Variants in CADM3 observed in about 807,000 individuals in gnomAD.
CADM3 encodes the protein TSLC1-like 1.
CADM3 carries 11 observed loss-of-function variants against 44.9 expected under a neutral mutation model. The observed-to-expected ratio is 0.25, with a 90% CI of 0.15 to 0.41. The LOEUF (loss-of-function observed/expected upper bound fraction) is 0.41. Ranked by LOEUF, CADM3 falls within the 10% of genes least tolerant of loss-of-function variation. The pLI, the probability that CADM3 is intolerant of heterozygous loss-of-function variation, is 1.00. For missense variants in CADM3, 426 were observed against 512.0 expected, an observed-to-expected ratio of 0.83 and a Z score of 1.62; for synonymous variants, 207 against 205.2, an observed-to-expected ratio of 1.01 and a Z score of -0.08.
rs774384382 is a variant in CADM3, at chr1:159,196,377, G to A, written c.705G>A (p.Ala235=). ...QRIEVLYTPT[A]MIRPDPPHPR... ...CCTTCTCCACAGACACACCAACTGC[G>A]ATGATTAGGCCAGACCCTCCCCATC... The change falls in exon 6 of 9, where the codon GCG becomes GCA. Residue 235 remains alanine (A), a synonymous_variant. Coordinates refer to ENST00000368125, the MANE Select transcript of CADM3 (RefSeq NM_001127173.3). 6.8e-6 allele frequency: 11 copies of A among 1,614,098 alleles called. No individual in the cohort carries two copies. Among genetic ancestry groups the A allele is most frequent in the African/African-American group, 2.7e-5 (2 of 75,008 alleles).
At chr1:159,173,097 T>G (rs1571000923) in intron 1 of CADM3, among the ~76,000 whole-genome samples, 5 of 140,974 alleles carry the variant, frequency 3.5e-5, no homozygotes, top group African/African-American at 8.0e-5. Flanking sequence ...GTGGGGAGAG[T>G]GAAGGGGGAG....
At chr1:159,182,735 C>A (rs1338868090) in intron 1 of CADM3, among the ~76,000 whole-genome samples, 2 of 152,178 alleles carry the variant, frequency 1.3e-5, no homozygotes, top group Non-Finnish European at 2.9e-5. Context: ...AAATAACCAC[C>A]TCTGACCCTT....
At chr1:159,176,679 A>G (rs773461663) in intron 1 of CADM3, among the ~76,000 whole-genome samples, 3 of 152,182 alleles carry the variant, frequency 2.0e-5, no homozygotes, top group Non-Finnish European at 4.4e-5. Context: ...GTTATATATG[A>G]CAAGAAGATC....
intron 1 of CADM3, among the ~76,000 whole-genome samples, chr1:159,183,660 G>A (rs1649316597): frequency 6.6e-6 from 1 of 152,072 alleles, no homozygotes; most frequent in Non-Finnish European, 1.5e-5. Flanking sequence ...TTTCCCTGAG[G>A]AGCAATGAAA....
chr1:159,191,804 C>T, intron 1 of CADM3, 132 bp from the exon 2 acceptor site: 1 of 1,030,514 alleles, frequency 9.7e-7, no homozygotes, highest in East Asian at 2.4e-5. Flanking sequence ...CCCATGAAAC[C>T]TTACGGGTAC....
chr1:159,193,380 G>A (rs1649748723), intron 3 of CADM3, 43 bp from the exon 4 acceptor site: 2 of 1,551,104 alleles, frequency 1.3e-6, no homozygotes, highest in Non-Finnish European at 1.7e-6. Flanking sequence ...GTGACCCCAT[G>A]GGGCCTCTCC....
intron 1 of CADM3, among the ~76,000 whole-genome samples, chr1:159,182,818 T>C (rs1307360842): frequency 6.6e-6 from 1 of 152,224 alleles, no homozygotes; most frequent in Non-Finnish European, 1.5e-5. Flanking sequence ...ATATATGTAT[T>C]CATAATACCT....
At chr1:159,197,837 G>C (rs1266767368) in intron 7 of CADM3, 1 of 152,184 alleles carries the variant, frequency 6.6e-6, no homozygotes, top group Non-Finnish European at 1.5e-5. Flanking sequence ...CAGTTGAGGG[G>C]ATAAGAGCCA....
rs1648797932 is a variant in CADM3 at position 159,171,632 on chromosome 1, C to T, written c.-134C>T. ...GCAGCGCCGGCTCCCTCCCGGTCCC[C>T]ACCTCGGCCCCGGGCTCCGAAGCGG... On this transcript the variant is annotated 5_prime_UTR_variant, in exon 1 of 9. Coordinates refer to ENST00000368125, the MANE Select transcript of CADM3 (RefSeq NM_001127173.3). 2 of 529,862 alleles carry T rather than the reference C, an allele frequency of 3.8e-6. No individual in the cohort carries two copies. The highest frequency in any genetic ancestry group is 1.0e-4 in the South Asian group (1 of 9,660). 32.8% of individuals were successfully genotyped at this position (529,862 alleles called of 1,614,324 possible).
chr1:159,182,078 ACACACACACG>A (rs1041813362), intron 1 of CADM3, among the ~76,000 whole-genome samples: 1 of 147,282 alleles, frequency 6.8e-6, no homozygotes, highest in African/African-American at 2.5e-5. Flanking sequence ...ACACACACAC[ACACACACACG>A]CACACACACA....
chr1:159,196,567 T>C, intron 6 of CADM3, 113 bp downstream of exon 6: 1 of 860,146 alleles, frequency 1.2e-6, no homozygotes, highest in Non-Finnish European at 1.9e-6. Flanking sequence ...AGCCTCTCAT[T>C]TCCCTGACTG....
chr1:159,188,015 T>C (rs978463014), intron 1 of CADM3, among the ~76,000 whole-genome samples: 1 of 151,956 alleles, frequency 6.6e-6, no homozygotes, highest in Non-Finnish European at 1.5e-5. Flanking sequence ...TTTGTGACTG[T>C]TTTTCTCTGT....
At chr1:159,194,178 C>G in intron 5 of CADM3, 138 bp downstream of exon 5, 1 of 949,582 alleles carries the variant, frequency 1.1e-6, no homozygotes, top group Non-Finnish European at 1.5e-6. Flanking sequence ...ACTGCCAGGA[C>G]TAGGCCAGGG....
intron 1 of CADM3, among the ~76,000 whole-genome samples, chr1:159,173,573 C>A (rs1489709093): frequency 6.6e-6 from 1 of 152,152 alleles, no homozygotes; most frequent in African/African-American, 2.4e-5. Context: ...CACTGAGGAG[C>A]TGAAGGGAGT....
In CADM3 at chr1:159,196,443, C is replaced by A; in HGVS notation, c.771C>A (p.Arg257=). The A allele has an allele frequency of 6.2e-7, 1 of 1,613,762 alleles. No individual in the cohort carries two copies. Residue 257 remains arginine, a synonymous_variant, in exon 6 of 9, where the codon CGC becomes CGA. Coordinates refer to ENST00000368125, the MANE Select transcript of CADM3 (RefSeq NM_001127173.3). ...GQKLLLHCEG[R]GNPVPQQYLW... ...AGCTGTTGCTACACTGTGAGGGTCG[C>A]GGCAATCCAGTGTAAGAAGATCCAT...
At chr1:159,184,371 G>C (rs1649342253) in intron 1 of CADM3, among the ~76,000 whole-genome samples, 1 of 152,208 alleles carries the variant, frequency 6.6e-6, no homozygotes, top group Non-Finnish European at 1.5e-5. Flanking sequence ...TGGTAGTCGT[G>C]AGGAATAACA....
chr1:159,173,779 C>G (rs1648915949), intron 1 of CADM3, among the ~76,000 whole-genome samples: 1 of 152,050 alleles, frequency 6.6e-6, no homozygotes, highest in Non-Finnish European at 1.5e-5. Flanking sequence ...AGGCTGGGCC[C>G]CAAAAAGAGA....
Position 159,202,159 on chromosome 1 carries a change from A to G in CADM3, c.*1237A>G. On this transcript the variant is annotated 3_prime_UTR_variant, in exon 9 of 9. Transcript: ENST00000368125. ...CGAGGAACTGAGGAGGAGGGCTAAG[A>G]GCCAGGGGTCCTGGGCAAGTGGACA... 6.5e-6 allele frequency: 1 copy of G among 154,052 alleles called. No individual in the cohort carries two copies. The highest frequency in any genetic ancestry group is 1.4e-5 in the Non-Finnish European group (1 of 69,096). 9.5% of individuals were successfully genotyped at this position (154,052 alleles called of 1,614,324 possible).
chr1:159,179,160 A>G (rs1292247063), intron 1 of CADM3, among the ~76,000 whole-genome samples: 1 of 152,082 alleles, frequency 6.6e-6, no homozygotes, highest in Non-Finnish European at 1.5e-5. Context: ...AAAGGACTCA[A>G]ATACAGAAAT....
Sources: gnomAD v4.1 joint callset for allele counts (sites outside exome capture counted in the v4.1 genomes callset) on GRCh38, gnomAD v4.1.1 for gene constraint, MANE v1.5 for transcripts, NCBI Gene and HGNC (gene_info 2026-07-23, HGNC 2026-07-21) for gene names.